KBTBD11: variants seen among roughly 807,000 people sequenced by gnomAD.
KBTBD11 encodes the protein kelch repeat and BTB domain-containing protein 11.
For synonymous variants in KBTBD11, 747 were observed against 499.0 expected, an observed-to-expected ratio of 1.50 and a Z score of -6.63; for missense variants, 1,390 against 1,001.8, an observed-to-expected ratio of 1.39 and a Z score of -5.23.
chr8:1,976,521 G>C (rs547619103), intron 1 of KBTBD11: 3 of 152,142 alleles, frequency 2.0e-5, no homozygotes, highest in Non-Finnish European at 4.4e-5. Context: ...GGATTAGCAT[G>C]AATTTCCTTC....
intron 1 of KBTBD11, among the ~76,000 whole-genome samples, chr8:1,989,923 GTTTTTTT>G (rs5888896): frequency 9.8e-5 from 7 of 71,712 alleles, no homozygotes; most frequent in Non-Finnish European, 1.4e-4. Context: ...GTCTCAGGTG[GTTTTTTT>G]TTTTTTTTTT....
chr8:1,997,576 G>T (rs1429179457), intron 1 of KBTBD11, among the ~76,000 whole-genome samples: 1 of 152,242 alleles, frequency 6.6e-6, no homozygotes, highest in Non-Finnish European at 1.5e-5. Context: ...CGGAAGGGCT[G>T]CCCAGAGCCT....
chr8:1,986,176 G>A (rs1054420619), intron 1 of KBTBD11, among the ~76,000 whole-genome samples: 7 of 152,174 alleles, frequency 4.6e-5, no homozygotes, highest in African/African-American at 1.7e-4. Flanking sequence ...TGCCTTTGGG[G>A]ATCTCAGGCA....
rs559081158 is a variant in KBTBD11 at position 2,002,413 on chromosome 8, G to A, written c.1221G>A (p.Leu407=). Residue 407 remains leucine (L), a synonymous_variant, in exon 2 of 2, where the codon CTG becomes CTA. Transcript: ENST00000320248. The surrounding 1 kb of genome is among the most constrained non-coding windows in gnomAD (Gnocchi z 4.1). ...PLRQARSQLR[L]LALDGHLYAV... ...GCCAGGCGCGCTCGCAGCTGCGGCTGCTGGCCCTGGACGGTCACCTCTACG... is the reference window on the plus strand; with the variant it reads ...GCCAGGCGCGCTCGCAGCTGCGGCTACTGGCCCTGGACGGTCACCTCTACG... 9.8e-4 allele frequency: 1,450 copies of A among 1,483,974 alleles called. 5 individuals carry two copies. The highest frequency in any genetic ancestry group is 4.0e-3 in the South Asian group (317 of 79,428). 91.9% of individuals were successfully genotyped at this position (1,483,974 alleles called of 1,614,324 possible). A position where few individuals can be genotyped will look rare whatever the true frequency, so the allele number is the denominator to read the frequency against.
chr8:1,975,628 C>G (rs935659080), intron 1 of KBTBD11, among the ~76,000 whole-genome samples: 1 of 152,198 alleles, frequency 6.6e-6, no homozygotes, highest in Admixed American at 6.5e-5. Flanking sequence ...TTTCTCAGAA[C>G]CTGTCTGCAT....
intron 1 of KBTBD11, among the ~76,000 whole-genome samples, chr8:1,981,342 T>C (rs1476549877): frequency 6.6e-6 from 1 of 152,276 alleles, no homozygotes; most frequent in Non-Finnish European, 1.5e-5. Flanking sequence ...CATGAAAACA[T>C]TGAAAAGTGT....
rs1439419812 is a variant in KBTBD11 at position 2,002,768 on chromosome 8, C to G, written c.1576C>G (p.Arg526Gly). The change falls in exon 2 of 2, where the codon CGA (arginine) becomes GGA (glycine). Residue 526 changes from arginine (R) to glycine (G), a missense_variant. Coordinates refer to ENST00000320248, the MANE Select transcript of KBTBD11 (RefSeq NM_014867.3). This position sits in a 1 kb window ranked among gnomAD's most constrained non-coding sequence, Gnocchi z 4.1. ...GGGGCCGAGCGGGGTCAGCGTGTCC[C>G]GATACCACTGCCTGGCCAAGCAGTG... ...AAGPSGVSVS[R>G]YHCLAKQWSP... 29 of 1,478,630 alleles carry G rather than the reference C, an allele frequency of 2.0e-5. No homozygotes were observed. The highest frequency in any genetic ancestry group is 2.6e-5 in the Non-Finnish European group (29 of 1,122,376). 91.6% of individuals were successfully genotyped at this position (1,478,630 alleles called of 1,614,324 possible). A position where few individuals can be genotyped will look rare whatever the true frequency, so the allele number is the denominator to read the frequency against.
chr8:1,992,575 A>C lies in KBTBD11; in HGVS notation c.-908-7710A>C, dbSNP rs148519688. On this transcript the variant is annotated intron_variant, in intron 1 of 1. Coordinates refer to ENST00000320248, the MANE Select transcript of KBTBD11 (RefSeq NM_014867.3). ...TATGAGTTTAAAATCATGCCTGTTC[A>C]TAATAGATTTTTAAAAAATGTGTAA... Among the ~76,000 whole-genome samples the C allele has an allele frequency of 2.3e-3, 356 of 152,184 alleles. 6 individuals are homozygous for C. Among genetic ancestry groups the C allele is most frequent in the South Asian group, 0.023 (109 of 4,824 alleles).
At chr8:1,982,291 A>G (rs1207668954) in intron 1 of KBTBD11, among the ~76,000 whole-genome samples, 1 of 152,242 alleles carries the variant, frequency 6.6e-6, no homozygotes, top group Non-Finnish European at 1.5e-5. Flanking sequence ...AAAGCATACC[A>G]CAAGAGAAAG....
chr8:2,000,980 G>C lies in KBTBD11; in HGVS notation c.-213G>C. ...CAAGTCGGACACACCCCTCCTCGCTGGAGAGGAGAGGGCAAAGGCGAGGCG... is the reference window on the plus strand; with the variant it reads ...CAAGTCGGACACACCCCTCCTCGCTCGAGAGGAGAGGGCAAAGGCGAGGCG... On this transcript the variant is annotated 5_prime_UTR_variant, in exon 2 of 2. Coordinates refer to ENST00000320248, the MANE Select transcript of KBTBD11 (RefSeq NM_014867.3). 1 of 523,690 alleles carries C rather than the reference G, an allele frequency of 1.9e-6. No individual in the cohort carries two copies. The highest frequency in any genetic ancestry group is 2.9e-6 in the Non-Finnish European group (1 of 341,530). The allele number at this position is 523,690 out of a possible 1,614,324, so 32.4% of individuals were successfully genotyped here. A position where few individuals can be genotyped will look rare whatever the true frequency, so the allele number is the denominator to read the frequency against.
intron 1 of KBTBD11, chr8:1,975,167 A>G (rs1227545695): frequency 6.6e-6 from 1 of 152,266 alleles, no homozygotes; most frequent in Non-Finnish European, 1.5e-5. Context: ...GTGTGTGCAG[A>G]TTTATGGTAA....
intron 1 of KBTBD11, among the ~76,000 whole-genome samples, chr8:1,997,058 G>A (rs752164216): frequency 1.4e-4 from 22 of 152,072 alleles, no homozygotes; most frequent in African/African-American, 4.1e-4. Context: ...TTTCTGTGTC[G>A]CCTGGTTGTG....
rs909007038 is a variant in KBTBD11, at chr8:1,973,910, G to C, written c.-934G>C. On this transcript the variant is annotated 5_prime_UTR_variant, in exon 1 of 2. Transcript: ENST00000320248. The stretch of plus-strand genomic sequence containing the variant: ...CCGCCTGGCTGCGCGTCCCGGGCCC[G>C]GCGGCTGAAGAGGAGCCGCGGCGAG... 3 of 982,852 alleles carry C rather than the reference G, an allele frequency of 3.1e-6. No individual in the cohort carries two copies. Among genetic ancestry groups the C allele is most frequent in the African/African-American group, 1.8e-5 (1 of 56,936 alleles). 60.9% of individuals were successfully genotyped at this position (982,852 alleles called of 1,614,324 possible). A position where few individuals can be genotyped will look rare whatever the true frequency, so the allele number is the denominator to read the frequency against.
rs559787673 is a variant in KBTBD11 at position 1,993,128 on chromosome 8, G to A, written c.-908-7157G>A. ...CAGCTAATTTTTTTTTGTATTTTTA[G>A]TAGGGAAAGGGTCTCCCCATGTTGC... is the stretch of plus-strand genomic sequence containing the variant. On this transcript the variant is annotated intron_variant, in intron 1 of 1. Transcript: ENST00000320248. Among the ~76,000 whole-genome samples the A allele has an allele frequency of 1.4e-4, 22 of 151,972 alleles. No homozygotes were observed. In the South Asian group the frequency reaches 3.5e-3, roughly 24 times the overall value.
At chr8:1,993,985 G>A (rs888708903) in intron 1 of KBTBD11, among the ~76,000 whole-genome samples, 5 of 147,408 alleles carry the variant, frequency 3.4e-5, no homozygotes, top group Non-Finnish European at 4.5e-5. Context: ...TTTATCAGGG[G>A]AGCCACAGGC....
chr8:1,999,997 G>A (rs555386848), intron 1 of KBTBD11, among the ~76,000 whole-genome samples: 11 of 152,164 alleles, frequency 7.2e-5, no homozygotes, highest in South Asian at 6.2e-4. Flanking sequence ...TGGTTCAACC[G>A]ATGCGTGTCA....
intron 1 of KBTBD11, among the ~76,000 whole-genome samples, chr8:1,999,488 C>T (rs1022513115): frequency 1.3e-5 from 2 of 152,176 alleles, no homozygotes; most frequent in South Asian, 2.1e-4. Flanking sequence ...TAAGTTTCTT[C>T]CCAGTATGTT....
intron 1 of KBTBD11, among the ~76,000 whole-genome samples, chr8:1,981,059 T>C (rs892144096): frequency 6.6e-6 from 1 of 152,200 alleles, no homozygotes; most frequent in Non-Finnish European, 1.5e-5. Flanking sequence ...CCAACACTAA[T>C]TGGCTGTGTG....
chr8:1,993,470 T>TATCCATCCATCTATCCGTCC (rs1817001765), intron 1 of KBTBD11, among the ~76,000 whole-genome samples: 3 of 141,218 alleles, frequency 2.1e-5, no homozygotes, highest in Non-Finnish European at 4.6e-5. Flanking sequence ...CCCATCTGTC[T>TATCCATCCATCTATCCGTCC]ATCCATCCAT....
Sources: allele counts gnomAD v4.1 joint callset (sites outside exome capture counted in the v4.1 genomes callset), GRCh38; gene constraint gnomAD v4.1.1; non-coding constraint Gnocchi (gnomAD v3.1); transcripts MANE v1.5; gene names NCBI Gene and HGNC (gene_info 2026-07-23, HGNC 2026-07-21).